Variants in PPP4R3B observed in about 807,000 individuals in gnomAD.
PPP4R3B encodes protein phosphatase 4 regulatory subunit 3B.
Under a neutral mutation model 95.4 loss-of-function variants are expected in PPP4R3B, and 52 were observed. That is an observed-to-expected ratio of 0.54 (90% confidence interval 0.44 to 0.69). The LOEUF (loss-of-function observed/expected upper bound fraction) is 0.69, where lower values mean the gene tolerates loss of function less well. PPP4R3B is among the 30% of genes least tolerant of loss of function. The pLI is 0.00. For missense variants in PPP4R3B, 1,003 were observed against 1,005.9 expected (o/e 1.00, Z 0.04); for synonymous variants, 407 against 343.9 (o/e 1.18, Z -2.03).
At chr2:55,596,631 T>C (rs1419048933) in intron 4 of PPP4R3B, among the ~76,000 whole-genome samples, 1 of 152,224 alleles carries the variant, frequency 6.6e-6, no homozygotes, top group East Asian at 1.9e-4. Context: ...CAAGCACTAC[T>C]GGCGAGTATT....
chr2:55,615,396 A>C, intron 2 of PPP4R3B, 55 bp downstream of exon 2: 1 of 1,281,196 alleles, frequency 7.8e-7, no homozygotes, highest in Non-Finnish European at 1.1e-6. Context: ...TGTCAGATTA[A>C]TACTTCCTTG....
intron 12 of PPP4R3B, among the ~76,000 whole-genome samples, chr2:55,569,849 G>A (rs941165573): frequency 1.3e-5 from 2 of 151,970 alleles, no homozygotes; most frequent in Non-Finnish European, 2.9e-5. Context: ...CTCTGCACAC[G>A]GGGAGAAAAA....
At chr2:55,609,842 A>ACCTCCAG (rs1460148231) in intron 2 of PPP4R3B, among the ~76,000 whole-genome samples, 1 of 152,200 alleles carries the variant, frequency 6.6e-6, no homozygotes, top group Non-Finnish European at 1.5e-5. Context: ...ATATTTGCTT[A>ACCTCCAG]CATATGCATA....
intron 15 of PPP4R3B, among the ~76,000 whole-genome samples, chr2:55,561,348 G>A (rs903677520): frequency 6.6e-6 from 1 of 152,226 alleles, no homozygotes; most frequent in South Asian, 2.1e-4. Context: ...GAGCTCTTAT[G>A]AAGAACCTCT....
intron 13 of PPP4R3B, 123 bp from the exon 14 acceptor site, chr2:55,565,164 A>C: frequency 1.4e-6 from 1 of 692,714 alleles, no homozygotes; most frequent in East Asian, 3.1e-5. Context: ...ACCTTCCAAA[A>C]TGTAATGTCC....
chr2:55,615,916 A>G (rs115600096), intron 1 of PPP4R3B, among the ~76,000 whole-genome samples: 1,391 of 121,834 alleles, frequency 0.011, 10 homozygotes, highest in Non-Finnish European at 0.017. Context: ...GCCCCCGCAA[A>G]CTTTTCAAGT....
chr2:55,598,922 G>A lies in PPP4R3B; in HGVS notation c.415C>T (p.Leu139Phe). 1.2e-6 allele frequency: 2 copies of A among 1,614,182 alleles called. No individual in the cohort carries two copies. Among genetic ancestry groups the A allele is most frequent in the South Asian group, 2.2e-5 (2 of 91,082 alleles). ...TCAGCAATCTCTTCAAGTTTATTGA[G>A]TTCACATGTGGGCAGGTCAATCAGA... is the stretch of plus-strand genomic sequence containing the variant. ...SHLIDLPTCE[L>F]NKLEEIADLV... The change falls in exon 4 of 17, where the codon CTC becomes TTC. Residue 139 changes from leucine to phenylalanine, a missense_variant. Coordinates refer to ENST00000616407, the MANE Select transcript of PPP4R3B (RefSeq NM_001122964.3).
At chr2:55,587,205 C>CA (rs1690264104) in intron 5 of PPP4R3B, among the ~76,000 whole-genome samples, 1 of 152,136 alleles carries the variant, frequency 6.6e-6, no homozygotes, top group Admixed American at 6.5e-5. Flanking sequence ...TATTAGTATG[C>CA]AAAAATGCAA....
chr2:55,592,659 G>A (rs1322080392), intron 4 of PPP4R3B, among the ~76,000 whole-genome samples: 2 of 152,058 alleles, frequency 1.3e-5, no homozygotes, highest in African/African-American at 2.4e-5. Flanking sequence ...CGCTAATCCT[G>A]CTGGGCTAAT....
At chr2:55,615,192 C>T (rs949979962) in intron 2 of PPP4R3B, 6 of 386,928 alleles carry the variant, frequency 1.6e-5, no homozygotes, top group African/African-American at 1.1e-4. Context: ...ATAGAAGAGA[C>T]TTGGCTAACT....
intron 2 of PPP4R3B, chr2:55,614,818 TAAA>T (rs1261622764): frequency 6.6e-6 from 1 of 152,138 alleles, no homozygotes; most frequent in African/African-American, 2.4e-5. Flanking sequence ...TATTTCATAA[TAAA>T]AACAAAAACA....
At position 55,615,466 on chromosome 2, in the gene PPP4R3B, T is replaced by A; in HGVS notation, c.183A>T (p.Ala61=). 6.3e-7 allele frequency: 1 copy of A among 1,595,106 alleles called. No homozygotes were observed. Among genetic ancestry groups the A allele is most frequent in the Non-Finnish European group, 8.6e-7 (1 of 1,169,574 alleles). ...LLESKINPNT[A]YQKQQDTLIV... is the part of the protein sequence containing the mutation. The stretch of plus-strand genomic sequence containing the variant: ...AACTACTTGCCTGTTGTTTCTGATA[T>A]GCAGTATTTGGATTTATCTTTGATT... The change falls in exon 2 of 17, where the codon GCA becomes GCT. Residue 61 remains alanine, a synonymous_variant. Transcript: ENST00000616407.
intron 16 of PPP4R3B, among the ~76,000 whole-genome samples, chr2:55,556,990 G>A (rs953839178): frequency 1.3e-5 from 2 of 152,218 alleles, no homozygotes; most frequent in Admixed American, 1.3e-4. Flanking sequence ...TTGAGCCCAG[G>A]AGGTGGCGGA....
Position 55,565,050 on chromosome 2 carries a change from G to A in PPP4R3B, c.1936-9C>T, listed in dbSNP as rs915328748. Reference sequence around the variant, plus strand: ...AGAGACTTGATATCTTCCTGTATAAGCACAAAATTTACATTTAAAATATAA... The same window carrying A: ...AGAGACTTGATATCTTCCTGTATAAACACAAAATTTACATTTAAAATATAA... On this transcript the variant is annotated splice_polypyrimidine_tract_variant and intron_variant, in intron 13 of 16. Transcript: ENST00000616407. The A allele has an allele frequency of 6.5e-7, 1 of 1,542,862 alleles. No homozygotes were observed. The highest frequency in any genetic ancestry group is 8.7e-7 in the Non-Finnish European group (1 of 1,148,492).
intron 4 of PPP4R3B, among the ~76,000 whole-genome samples, chr2:55,596,784 G>A (rs1691836380): frequency 6.6e-6 from 1 of 152,166 alleles, no homozygotes; most frequent in South Asian, 2.1e-4. Context: ...CCAACATGGT[G>A]AAACCCTGTT....
chr2:55,559,515 G>A (rs1558945364), intron 15 of PPP4R3B, among the ~76,000 whole-genome samples: 1 of 152,142 alleles, frequency 6.6e-6, no homozygotes, highest in African/African-American at 2.4e-5. Flanking sequence ...GGAGGGACCT[G>A]GTGAGAGGTG....
At chr2:55,566,738 T>G (rs1298266624) in intron 13 of PPP4R3B, among the ~76,000 whole-genome samples, 2 of 152,216 alleles carry the variant, frequency 1.3e-5, no homozygotes, top group Non-Finnish European at 2.9e-5. Context: ...CCAGGTGCAG[T>G]GGCTCACACC....
chr2:55,577,260 A>C, intron 11 of PPP4R3B, 55 bp downstream of exon 11: 1 of 1,509,348 alleles, frequency 6.6e-7, no homozygotes, highest in Non-Finnish European at 8.8e-7. Flanking sequence ...TTACACTTAG[A>C]GTAGAAAAAA....
At chr2:55,591,137 G>C (rs1162423850) in intron 4 of PPP4R3B, among the ~76,000 whole-genome samples, 2 of 149,254 alleles carry the variant, frequency 1.3e-5, no homozygotes, top group African/African-American at 4.9e-5. Context: ...CCTCAAGTTA[G>C]TTTTTCCTTT....
Sources: gnomAD v4.1 joint callset for allele counts (sites outside exome capture counted in the v4.1 genomes callset) on GRCh38, gnomAD v4.1.1 for gene constraint, MANE v1.5 for transcripts, NCBI Gene and HGNC (gene_info 2026-07-23, HGNC 2026-07-21) for gene names.